ERC2: variants seen among roughly 807,000 people sequenced by gnomAD.
The protein encoded by ERC2 is ERC protein 2.
A neutral mutation model predicts 114.8 loss-of-function variants in ERC2; 42 were observed. The observed-to-expected ratio is 0.37, with a 90% CI of 0.29 to 0.47. ERC2 has a LOEUF of 0.47. Ranked by LOEUF, ERC2 falls within the 20% of genes least tolerant of loss-of-function variation. The pLI, the probability that ERC2 is intolerant of heterozygous loss-of-function variation, is 0.99. For synonymous variants in ERC2, 454 were observed against 425.5 expected, an observed-to-expected ratio of 1.07 and a Z score of -0.82; for missense variants, 939 against 1,150.7, an observed-to-expected ratio of 0.82 and a Z score of 2.66.
At chr3:56,108,040 C>T (rs1181623971) in intron 6 of ERC2, among the ~76,000 whole-genome samples, 1 of 152,104 alleles carries the variant, frequency 6.6e-6, no homozygotes, top group Non-Finnish European at 1.5e-5. Context: ...ATTTAAAATA[C>T]TTAGAGACAA....
At chr3:55,842,851 G>T (rs906114050) in intron 14 of ERC2, among the ~76,000 whole-genome samples, 2 of 152,078 alleles carry the variant, frequency 1.3e-5, no homozygotes, top group Non-Finnish European at 2.9e-5. Context: ...ACGATCAAAA[G>T]TGAGTTGAGG....
chr3:55,944,789 G>A (rs896290525), intron 13 of ERC2, among the ~76,000 whole-genome samples: 3 of 152,316 alleles, frequency 2.0e-5, no homozygotes, highest in South Asian at 2.1e-4. Context: ...GCTCGCGGAG[G>A]ATTATAGTGT....
chr3:56,350,084 A>G lies in ERC2; in HGVS notation c.658-53649T>C, dbSNP rs533408198. 1.4e-4 allele frequency among the ~76,000 whole-genome samples: 21 copies of G among 152,358 alleles called. No individual in the cohort carries two copies. In the South Asian group the frequency reaches 3.9e-3, roughly 29 times the overall value. ...AAAAAGAAGAAATGTCTAGCCCAGAACAACGTCCAAATCTACCTGCTGGGG... is the reference window on the plus strand; with the variant it reads ...AAAAAGAAGAAATGTCTAGCCCAGAGCAACGTCCAAATCTACCTGCTGGGG... On this transcript the variant is annotated intron_variant, in intron 2 of 17. Coordinates refer to ENST00000288221, the MANE Select transcript of ERC2 (RefSeq NM_015576.3).
intron 2 of ERC2, among the ~76,000 whole-genome samples, chr3:56,328,779 T>C (rs760755802): frequency 7.9e-5 from 12 of 152,140 alleles, no homozygotes; most frequent in Non-Finnish European, 1.5e-4. Context: ...AAGAGCCAGA[T>C]TGGACCTCAG....
At chr3:55,577,729 G>A (rs768280393) in intron 17 of ERC2, among the ~76,000 whole-genome samples, 29 of 152,124 alleles carry the variant, frequency 1.9e-4, no homozygotes, top group Non-Finnish European at 4.1e-4. Context: ...GGTGGCCACA[G>A]GTTCTTCATT....
intron 14 of ERC2, among the ~76,000 whole-genome samples, chr3:55,750,034 ATGT>A (rs1227298384): frequency 6.6e-6 from 1 of 152,208 alleles, no homozygotes; most frequent in East Asian, 1.9e-4. Context: ...GAGCAGTCTA[ATGT>A]TGTTAACCAG....
At chr3:56,246,503 T>C (rs1477996042) in intron 3 of ERC2, among the ~76,000 whole-genome samples, 1 of 152,202 alleles carries the variant, frequency 6.6e-6, no homozygotes, top group Non-Finnish European at 1.5e-5. Context: ...ATAACACATA[T>C]TGAGGTTTAC....
At chr3:55,761,506 G>A (rs961202525) in intron 14 of ERC2, among the ~76,000 whole-genome samples, 6 of 151,808 alleles carry the variant, frequency 4.0e-5, no homozygotes, top group South Asian at 2.1e-4. Context: ...ACTTGACTCC[G>A]CTGTTGTAGC....
In ERC2 at chr3:55,683,863, C is replaced by T. The variant is rs759929094; in HGVS notation, c.2848-4G>A. On this transcript the variant is annotated splice_region_variant and splice_polypyrimidine_tract_variant and intron_variant, in intron 16 of 17. Coordinates refer to ENST00000288221, the MANE Select transcript of ERC2 (RefSeq NM_015576.3). ...CCCATATGCCCTCCTCGTCATCCTGCGGCCGGCCCGAGGTGGGGAGGTGCA... is the reference window on the plus strand; with the variant it reads ...CCCATATGCCCTCCTCGTCATCCTGTGGCCGGCCCGAGGTGGGGAGGTGCA... The T allele has an allele frequency of 8.1e-6, 13 of 1,610,954 alleles. No individual in the cohort carries two copies. Among genetic ancestry groups the T allele is most frequent in the South Asian group, 4.4e-5 (4 of 90,670 alleles).
intron 12 of ERC2, among the ~76,000 whole-genome samples, chr3:55,955,421 A>AC (rs1265528137): frequency 5.3e-5 from 8 of 152,130 alleles, no homozygotes; most frequent in African/African-American, 1.7e-4. Context: ...AGAAGTGATC[A>AC]CTACTCTAAT....
intron 15 of ERC2, among the ~76,000 whole-genome samples, chr3:55,705,020 C>T (rs1227365594): frequency 1.3e-5 from 2 of 152,154 alleles, no homozygotes; most frequent in African/African-American, 2.4e-5. Context: ...AACTCAAACC[C>T]AGATGTCTGA....
At chr3:55,986,030 C>G (rs1473988446) in intron 11 of ERC2, 42 bp from the exon 12 acceptor site, 1 of 1,532,024 alleles carries the variant, frequency 6.5e-7, no homozygotes, top group East Asian at 2.4e-5. Context: ...GGAGGATAAG[C>G]AGAAAGGAAA....
At chr3:55,729,865 A>AAAAAAAAAAAAAAAAAAC (rs1559560768) in intron 15 of ERC2, among the ~76,000 whole-genome samples, 1 of 145,406 alleles carries the variant, frequency 6.9e-6, no homozygotes, top group African/African-American at 2.7e-5. Flanking sequence ...AAAAAAAAAA[A>AAAAAAAAAAAAAAAAAAC]TTGTAAGCTA....
At chr3:56,352,545 C>A (rs1395832789) in intron 2 of ERC2, among the ~76,000 whole-genome samples, 2 of 152,194 alleles carry the variant, frequency 1.3e-5, no homozygotes, top group African/African-American at 4.8e-5. Context: ...TCATTGGTGT[C>A]TCTGTGTTGC....
intron 13 of ERC2, among the ~76,000 whole-genome samples, chr3:55,948,338 C>T (rs7614009): frequency 0.015 from 2,345 of 152,274 alleles, 32 homozygotes; most frequent in African/African-American, 0.047. Context: ...AACCACCAAC[C>T]AGCCAAGCTA....
Position 56,131,941 on chromosome 3 carries a change from G to A in ERC2, c.1473+7568C>T, listed in dbSNP as rs80147443. The stretch of plus-strand genomic sequence containing the variant: ...ATTGTTGACATGTATCAAAATCACC[G>A]TACCCCATAAATATGTACAATTATT... On this transcript the variant is annotated intron_variant, in intron 6 of 17. Transcript: ENST00000288221. 2.6e-3 allele frequency among the ~76,000 whole-genome samples: 400 copies of A among 152,192 alleles called. 3 individuals are homozygous for A. The highest frequency in any genetic ancestry group is 8.9e-3 in the African/African-American group (369 of 41,514).
intron 2 of ERC2, among the ~76,000 whole-genome samples, chr3:56,324,909 G>A (rs2057289661): frequency 6.6e-6 from 1 of 150,960 alleles, no homozygotes; most frequent in Admixed American, 6.6e-5. Context: ...CCTCTGCTTG[G>A]AATGCTCTTT....
chr3:56,251,665 T>C (rs1015127429), intron 3 of ERC2, among the ~76,000 whole-genome samples: 7 of 152,342 alleles, frequency 4.6e-5, no homozygotes, highest in Admixed American at 2.6e-4. Context: ...TATTTCTTGA[T>C]AGCAGGATTC....
At chr3:55,950,388 A>G (rs769554737) in intron 13 of ERC2, 37 bp downstream of exon 13, 1 of 1,609,654 alleles carries the variant, frequency 6.2e-7, no homozygotes, top group South Asian at 1.1e-5. Flanking sequence ...GTCCATCTCT[A>G]GTTATTTAGC....
Sources: allele counts gnomAD v4.1 joint callset (sites outside exome capture counted in the v4.1 genomes callset), GRCh38; gene constraint gnomAD v4.1.1; transcripts MANE v1.5; gene names NCBI Gene and HGNC (gene_info 2026-07-23, HGNC 2026-07-21).